VPS33A: variants seen among roughly 807,000 people sequenced by gnomAD.
VPS33A encodes vacuolar protein sorting-associated protein 33A.
Under a neutral mutation model 71.8 loss-of-function variants are expected in VPS33A, and 32 were observed. The ratio of observed to expected loss-of-function variants is 0.45; its 90% CI spans 0.34 to 0.60. The LOEUF is 0.60. Among genes scored for constraint, VPS33A ranks in the 20% least tolerant of loss-of-function variants. The pLI is 0.02. For missense variants in VPS33A, 625 were observed against 748.5 expected, an observed-to-expected ratio of 0.84 and a Z score of 1.92; for synonymous variants, 311 against 292.7, an observed-to-expected ratio of 1.06 and a Z score of -0.64.
chr12:122,244,503 T>A (rs1954751953), intron 7 of VPS33A, 66 bp downstream of exon 7: 1 of 1,385,082 alleles, frequency 7.2e-7, no homozygotes, highest in South Asian at 1.7e-5. Context: ...GAGCTCTTAT[T>A]CCCCTCAGGG....
chr12:122,231,268 C>T lies in VPS33A; in HGVS notation c.*978G>A, dbSNP rs907789963. 2 of 152,158 alleles carry T rather than the reference C, an allele frequency of 1.3e-5. No individual in the cohort carries two copies. The highest frequency in any genetic ancestry group is 4.8e-5 in the African/African-American group (2 of 41,430). 9.4% of individuals were successfully genotyped at this position (152,158 alleles called of 1,614,324 possible). A position where few individuals can be genotyped will look rare whatever the true frequency, so the allele number is the denominator to read the frequency against. On this transcript the variant is annotated 3_prime_UTR_variant, in exon 13 of 13. Transcript: ENST00000267199. ...ATCACATTCTTCCATGTCAAAAGCC[C>T]CTGATAAGTATGGAACCTAAGGAGA...
Position 122,232,266 on chromosome 12 carries a change from G to C in VPS33A, c.1771C>G (p.Leu591Val). 1 of 1,611,912 alleles carries C rather than the reference G, an allele frequency of 6.2e-7. No individual in the cohort carries two copies. Among genetic ancestry groups the C allele is most frequent in the Non-Finnish European group, 8.5e-7 (1 of 1,179,246 alleles). ...LMNGTSWIEALMEKPF is the reference protein window; with the variant it reads ...LMNGTSWIEAVMEKPF ...ACATCCTAGAAAGGTTTTTCCATCA[G>C]AGCCTCTATCCAACTGGTTCCATTC... The change falls in exon 13 of 13, where the codon CTG becomes GTG. Residue 591 changes from leucine (L) to valine (V), a missense_variant. Coordinates refer to ENST00000267199, the MANE Select transcript of VPS33A (RefSeq NM_022916.6).
rs1478437114 is a variant in VPS33A, at chr12:122,232,822, C to T, written c.1587G>A (p.Leu529=). Residue 529 remains leucine, a synonymous_variant, in exon 12 of 13, where the codon CTG becomes CTA. Coordinates refer to ENST00000267199, the MANE Select transcript of VPS33A (RefSeq NM_022916.6). ...TACGTTTCTTCTGCAGTCCTGTGGG[C>T]AGTGGCTGCCGCTCCTCAAAGTGGG... is the stretch of plus-strand genomic sequence containing the variant. The part of the protein sequence containing the change: ...PGPHFEERQP[L]PTGLQKKRQP... 1 of 1,613,578 alleles carries T rather than the reference C, an allele frequency of 6.2e-7. No individual in the cohort carries two copies. Among genetic ancestry groups the T allele is most frequent in the Admixed American group, 1.7e-5 (1 of 59,944 alleles).
intron 4 of VPS33A, among the ~76,000 whole-genome samples, chr12:122,251,863 TG>T (rs1025561678): frequency 6.6e-6 from 1 of 150,966 alleles, no homozygotes; most frequent in East Asian, 1.9e-4. Flanking sequence ...ACATGGCACA[TG>T]TATACATATG....
At chr12:122,260,010 T>C (rs1192733312) in intron 4 of VPS33A, among the ~76,000 whole-genome samples, 1 of 151,964 alleles carries the variant, frequency 6.6e-6, no homozygotes, top group Non-Finnish European at 1.5e-5. Flanking sequence ...GTCACTGCAC[T>C]CCAACCTGGG....
At chr12:122,264,012 A>C in intron 2 of VPS33A, 122 bp downstream of exon 2, 1 of 830,202 alleles carries the variant, frequency 1.2e-6, no homozygotes, top group South Asian at 2.3e-5. Context: ...CACTAGTATT[A>C]GTGTTTATAA....
chr12:122,243,742 A>C lies in VPS33A; in HGVS notation c.969+827T>G, dbSNP rs1007180979. Among the ~76,000 whole-genome samples, 7 of 152,186 alleles carry C rather than the reference A, an allele frequency of 4.6e-5. No homozygotes were observed. The East Asian group carries it at 1.4e-3, about 29-fold the overall frequency. On this transcript the variant is annotated intron_variant, in intron 7 of 12. Transcript: ENST00000267199. ...AGCCTGGGCAACGCAGGAAGTCCCCATCTCTACAGAAAAAAAAACAACAAA... is the reference window on the plus strand; with the variant it reads ...AGCCTGGGCAACGCAGGAAGTCCCCCTCTCTACAGAAAAAAAAACAACAAA...
At chr12:122,241,688 G>T (rs1356942333) in intron 8 of VPS33A, among the ~76,000 whole-genome samples, 4 of 151,614 alleles carry the variant, frequency 2.6e-5, no homozygotes, top group African/African-American at 7.3e-5. Flanking sequence ...TGCCTCCAGG[G>T]TTCATGTGAT....
At chr12:122,237,012 T>A (rs1954636952) in intron 10 of VPS33A, among the ~76,000 whole-genome samples, 1 of 152,212 alleles carries the variant, frequency 6.6e-6, no homozygotes, top group Non-Finnish European at 1.5e-5. Flanking sequence ...TGTGTACTTC[T>A]GCATTATTTG....
At position 122,244,654 on chromosome 12, in the gene VPS33A, A is replaced by T. The variant is rs746705709; in HGVS notation, c.884T>A (p.Leu295His). 1.2e-6 allele frequency: 2 copies of T among 1,614,168 alleles called. No homozygotes were observed. The highest frequency in any genetic ancestry group is 2.2e-5 in the South Asian group (2 of 91,070). Residue 295 changes from leucine to histidine, a missense_variant, in exon 7 of 13, where the codon CTC becomes CAC. Coordinates refer to ENST00000267199, the MANE Select transcript of VPS33A (RefSeq NM_022916.6). ...KKLQLNSAEE[L>H]YAEIRDKNFN... ...GTTCTTATCTCGGATCTCAGCATAG[A>T]GCTCCTCTGCAGAATTCAGCTGCAG...
In VPS33A at chr12:122,232,154, T is replaced by G; in HGVS notation, c.*92A>C. ...CCCCAGAATATATTCTGTATTCCCA[T>G]GTTTCTTCTATGGGGTTTTACTTCC... On this transcript the variant is annotated 3_prime_UTR_variant, in exon 13 of 13. Transcript: ENST00000267199. 1.6e-6 allele frequency: 2 copies of G among 1,213,962 alleles called. No individual in the cohort carries two copies. The highest frequency in any genetic ancestry group is 2.3e-6 in the Non-Finnish European group (2 of 866,826). The allele number at this position is 1,213,962 out of a possible 1,614,324, so 75.2% of individuals were successfully genotyped here. A position where few individuals can be genotyped will look rare whatever the true frequency, so the allele number is the denominator to read the frequency against.
chr12:122,245,760 C>A (rs1954768887), intron 6 of VPS33A, among the ~76,000 whole-genome samples: 1 of 152,136 alleles, frequency 6.6e-6, no homozygotes, highest in South Asian at 2.1e-4. Flanking sequence ...TCTGTTTTTG[C>A]AAATAAAGTT....
intron 8 of VPS33A, among the ~76,000 whole-genome samples, chr12:122,240,451 G>T (rs996178170): frequency 6.6e-6 from 1 of 152,162 alleles, no homozygotes; most frequent in Non-Finnish European, 1.5e-5. Flanking sequence ...AGTTACACTA[G>T]ATACAGTCGA....
intron 12 of VPS33A, 129 bp from the exon 13 acceptor site, chr12:122,232,556 G>A (rs1031051499): frequency 2.6e-5 from 29 of 1,121,078 alleles, no homozygotes; most frequent in Middle Eastern, 5.9e-4. Flanking sequence ...TGAAACCTAA[G>A]AATACTGATT....
In VPS33A at chr12:122,239,022, C is replaced by CA. The variant is rs1491578160; in HGVS notation, c.1165-299_1165-298insT. Among the ~76,000 whole-genome samples the CA allele has an allele frequency of 5.3e-3, 784 of 148,526 alleles. 8 individuals are homozygous for CA. The highest frequency in any genetic ancestry group is 0.019 in the African/African-American group (737 of 39,726). ...ACACACACACACACACACACACACA[C>CA]CCCCCAGTGATCAGGCCAAGTCACT... is the stretch of plus-strand genomic sequence containing the variant. On this transcript the variant is annotated intron_variant, in intron 9 of 12. Transcript: ENST00000267199.
intron 7 of VPS33A, among the ~76,000 whole-genome samples, 189 bp downstream of exon 7, chr12:122,244,380 G>A (rs1954750867): frequency 6.6e-6 from 1 of 152,182 alleles, no homozygotes; most frequent in Admixed American, 6.5e-5. Context: ...TTTACGCAAC[G>A]CGGGTCTGAG....
intron 8 of VPS33A, among the ~76,000 whole-genome samples, chr12:122,241,332 G>C (rs962614176): frequency 1.3e-5 from 2 of 151,954 alleles, no homozygotes; most frequent in Non-Finnish European, 2.9e-5. Flanking sequence ...TCGAGATGGA[G>C]TCCTGCTCTG....
chr12:122,256,411 T>C (rs1486575126), intron 4 of VPS33A, among the ~76,000 whole-genome samples: 2 of 151,806 alleles, frequency 1.3e-5, no homozygotes, highest in African/African-American at 2.4e-5. Flanking sequence ...CCATCTCCAC[T>C]ACAAATACAA....
intron 3 of VPS33A, among the ~76,000 whole-genome samples, chr12:122,263,368 A>G (rs1955024106): frequency 1.3e-5 from 2 of 152,106 alleles, no homozygotes. Flanking sequence ...AGTAGGTCTT[A>G]TTCTATTTTT....
Sources: allele counts gnomAD v4.1 joint callset (sites outside exome capture counted in the v4.1 genomes callset), GRCh38; gene constraint gnomAD v4.1.1; transcripts MANE v1.5; gene names NCBI Gene and HGNC (gene_info 2026-07-23, HGNC 2026-07-21).